Variants in AFF3 observed in about 807,000 individuals in gnomAD.
AFF3 encodes the protein ALF transcription elongation factor 3.
A neutral mutation model predicts 129.7 loss-of-function variants in AFF3; 32 were observed. The observed-to-expected ratio is 0.25, with a 90% CI of 0.19 to 0.33. The LOEUF is 0.33. AFF3 is among the 10% of genes least tolerant of loss of function. AFF3 has a pLI of 1.00. For missense variants in AFF3, 1,373 were observed against 1,592.0 expected (o/e 0.86, Z 2.34); for synonymous variants, 644 against 635.4 (o/e 1.01, Z -0.20).
chr2:99,650,816 G>T (rs1276209950), intron 12 of AFF3, among the ~76,000 whole-genome samples: 1 of 151,628 alleles, frequency 6.6e-6, no homozygotes, highest in Non-Finnish European at 1.5e-5. Flanking sequence ...GTGTGTGTGT[G>T]TGTGTGTGTG....
At chr2:99,600,428 GGT>G (rs1679710954) in intron 14 of AFF3, among the ~76,000 whole-genome samples, 2 of 152,168 alleles carry the variant, frequency 1.3e-5, no homozygotes, top group Admixed American at 1.3e-4. Context: ...ACTGCTTTCA[GGT>G]GTGATAACAT....
chr2:100,104,110 T>A (rs1691001333), intron 4 of AFF3, among the ~76,000 whole-genome samples: 1 of 151,954 alleles, frequency 6.6e-6, no homozygotes, highest in South Asian at 2.1e-4. Context: ...TCAAATCGCT[T>A]CTTTTCCTCC....
intron 9 of AFF3, among the ~76,000 whole-genome samples, chr2:99,747,408 C>T (rs972276596): frequency 1.3e-5 from 2 of 152,168 alleles, no homozygotes; most frequent in Non-Finnish European, 2.9e-5. Context: ...TGGCTCACTG[C>T]AGCCTCAAAC....
chr2:99,954,681 C>T (rs1488229851), intron 7 of AFF3, among the ~76,000 whole-genome samples: 4 of 145,858 alleles, frequency 2.7e-5, no homozygotes, highest in Middle Eastern at 7.2e-3. Context: ...AACCAAACAC[C>T]GCATATTCTC....
At chr2:100,127,945 C>T (rs1028490472) in intron 2 of AFF3, among the ~76,000 whole-genome samples, 1 of 152,130 alleles carries the variant, frequency 6.6e-6, no homozygotes, top group African/African-American at 2.4e-5. Context: ...GTCCTAAAGA[C>T]GTTGCTGATA....
intron 11 of AFF3, chr2:99,707,657 C>T (rs1677527977): frequency 2.0e-6 from 2 of 984,092 alleles, no homozygotes; most frequent in South Asian, 9.4e-5. Context: ...TCTTTCCATT[C>T]CTGGAAGAGC....
chr2:99,954,258 G>A (rs533733343), intron 7 of AFF3, among the ~76,000 whole-genome samples: 2 of 151,924 alleles, frequency 1.3e-5, no homozygotes, highest in African/African-American at 2.4e-5. Flanking sequence ...TTGCCATTCT[G>A]ATAATTATAC....
chr2:99,619,960 C>T (rs547037802), intron 13 of AFF3, among the ~76,000 whole-genome samples: 1 of 152,320 alleles, frequency 6.6e-6, no homozygotes, highest in South Asian at 2.1e-4. Flanking sequence ...CCCCTGAAGA[C>T]CCTGGCCACT....
chr2:99,763,079 G>C (rs141770451), intron 8 of AFF3, among the ~76,000 whole-genome samples: 13 of 152,318 alleles, frequency 8.5e-5, no homozygotes, highest in Middle Eastern at 3.4e-3. Flanking sequence ...CCTGTACCTG[G>C]GACACCAGGC....
intron 7 of AFF3, among the ~76,000 whole-genome samples, chr2:99,980,509 C>T (rs1301384096): frequency 1.3e-5 from 2 of 152,140 alleles, no homozygotes; most frequent in African/African-American, 4.8e-5. Flanking sequence ...ACAGATATAC[C>T]CTATGAAAGG....
chr2:99,567,854 CT>C (rs1193055392), intron 19 of AFF3, among the ~76,000 whole-genome samples: 6 of 152,220 alleles, frequency 3.9e-5, no homozygotes, highest in Admixed American at 2.6e-4. Context: ...CAGAAAATCT[CT>C]TTCTCCTTAA....
rs890105688 is a variant in AFF3 at position 99,713,939 on chromosome 2, G to C, written c.1091+13138C>G. On this transcript the variant is annotated intron_variant, in intron 11 of 24. Transcript: ENST00000672756. ...TGGTCTTGAACTCCTGACCTCAGGT[G>C]ATCTGCCTGCCTCAGCCTCCCAAAG... Among the ~76,000 whole-genome samples, 17 of 152,058 alleles carry C rather than the reference G, an allele frequency of 1.1e-4. No individual in the cohort carries two copies. The South Asian group carries it at 3.1e-3, about 28-fold the overall frequency.
intron 13 of AFF3, among the ~76,000 whole-genome samples, chr2:99,625,993 A>T (rs886447871): frequency 6.6e-6 from 1 of 152,202 alleles, no homozygotes; most frequent in African/African-American, 2.4e-5. Context: ...TATAAAAAGA[A>T]ATGTCCCAGT....
intron 20 of AFF3, among the ~76,000 whole-genome samples, chr2:99,563,291 C>T (rs1175117555): frequency 1.1e-4 from 17 of 151,644 alleles, no homozygotes; most frequent in African/African-American, 2.9e-4. Flanking sequence ...TCCAGGTTCA[C>T]GCCATTCTCC....
At chr2:99,841,101 C>T (rs1689287160) in intron 7 of AFF3, among the ~76,000 whole-genome samples, 1 of 152,224 alleles carries the variant, frequency 6.6e-6, no homozygotes, top group African/African-American at 2.4e-5. Context: ...TACAAATACT[C>T]TTAAAATTAA....
chr2:99,824,083 A>C (rs1256513967), intron 8 of AFF3, among the ~76,000 whole-genome samples: 1 of 152,112 alleles, frequency 6.6e-6, no homozygotes, highest in Non-Finnish European at 1.5e-5. Context: ...CCCCAATCTA[A>C]AATAAGATTA....
At chr2:99,628,176 C>T (rs896231485) in intron 13 of AFF3, among the ~76,000 whole-genome samples, 11 of 152,262 alleles carry the variant, frequency 7.2e-5, no homozygotes, top group African/African-American at 9.6e-5. Context: ...ATTTTCATGA[C>T]ATTGATTCTT....
chr2:99,828,048 C>T (rs1329325201), intron 8 of AFF3, among the ~76,000 whole-genome samples: 1 of 152,012 alleles, frequency 6.6e-6, no homozygotes, highest in Non-Finnish European at 1.5e-5. Context: ...CCAATGGGCA[C>T]CTTACAAAAT....
chr2:99,918,677 G>C (rs1358471975), intron 7 of AFF3, among the ~76,000 whole-genome samples: 2 of 152,106 alleles, frequency 1.3e-5, no homozygotes, highest in Non-Finnish European at 2.9e-5. Flanking sequence ...TAACCTAAAG[G>C]CTACCTCACA....
Sources: gnomAD v4.1 joint callset for allele counts (sites outside exome capture counted in the v4.1 genomes callset) on GRCh38, gnomAD v4.1.1 for gene constraint, MANE v1.5 for transcripts, NCBI Gene and HGNC (gene_info 2026-07-23, HGNC 2026-07-21) for gene names.